The following SRL variants were observed in gnomAD, a reference collection of about 807,000 sequenced individuals.
The protein encoded by SRL is sarcalumenin.
Under a neutral mutation model 39.5 loss-of-function variants are expected in SRL, and 23 were observed. That is an observed-to-expected ratio of 0.58 (90% CI 0.42 to 0.82). The LOEUF (loss-of-function observed/expected upper bound fraction) is 0.82. Among genes scored for constraint, SRL ranks in the 40% least tolerant of loss-of-function variants. The pLI, the probability that SRL is intolerant of heterozygous loss-of-function variation, is 0.00. For missense variants in SRL, 592 were observed against 607.8 expected, an observed-to-expected ratio of 0.97 and a Z score of 0.27; for synonymous variants, 272 against 237.4, an observed-to-expected ratio of 1.15 and a Z score of -1.34.
chr16:4,222,565 C>A (rs1214276702), intron 1 of SRL, among the ~76,000 whole-genome samples: 1 of 152,180 alleles, frequency 6.6e-6, no homozygotes, highest in South Asian at 2.1e-4. Flanking sequence ...TGAGCCACTG[C>A]ACCCGGCTTT....
At chr16:4,196,598 A>G (rs1048028242) in intron 4 of SRL, among the ~76,000 whole-genome samples, 4 of 149,614 alleles carry the variant, frequency 2.7e-5, no homozygotes, top group African/African-American at 9.9e-5. Context: ...CTCCTGCCTC[A>G]GCCTCCCAAG....
At chr16:4,218,081 C>T (rs1169983072) in intron 1 of SRL, among the ~76,000 whole-genome samples, 1 of 152,148 alleles carries the variant, frequency 6.6e-6, no homozygotes, top group African/African-American at 2.4e-5. Context: ...GGAGCTCGTT[C>T]TGCTGATCCC....
At chr16:4,212,898 A>G (rs1164042127) in intron 1 of SRL, among the ~76,000 whole-genome samples, 7 of 151,512 alleles carry the variant, frequency 4.6e-5, no homozygotes, top group Non-Finnish European at 8.8e-5. Context: ...CACCAACCAA[A>G]TGCCCTGATT....
At chr16:4,232,116 G>A (rs1342925623) in intron 1 of SRL, among the ~76,000 whole-genome samples, 2 of 152,308 alleles carry the variant, frequency 1.3e-5, no homozygotes, top group African/African-American at 4.8e-5. Context: ...CGCCAAGCAA[G>A]GAGGGACTTG....
chr16:4,234,573 C>T (rs1343291796), intron 1 of SRL, among the ~76,000 whole-genome samples: 1 of 152,196 alleles, frequency 6.6e-6, no homozygotes, highest in Non-Finnish European at 1.5e-5. Context: ...AGAAGGATGA[C>T]AGCACAGGCT....
intron 4 of SRL, among the ~76,000 whole-genome samples, 163 bp from the exon 5 acceptor site, chr16:4,195,949 T>A (rs2052134795): frequency 1.3e-5 from 2 of 152,172 alleles, no homozygotes; most frequent in South Asian, 4.1e-4. Context: ...AAAACATACA[T>A]AACATAAAAT....
rs2052778207 is a variant in SRL at position 4,242,005 on chromosome 16, A to G, written c.61+2T>C. The G allele has an allele frequency of 6.2e-7, 1 of 1,613,688 alleles. No homozygotes were observed. The highest frequency in any genetic ancestry group is 8.5e-7 in the Non-Finnish European group (1 of 1,179,924). On this transcript the variant is annotated splice_donor_variant, in intron 1 of 5. Transcript: ENST00000399609. LOFTEE classifies it high-confidence loss of function. ...GCTGGGTCATGCTGGGAGGGGCCCTACCTGCTTGTCCTGAGAACAGGAGCG... is the reference window on the plus strand; with the variant it reads ...GCTGGGTCATGCTGGGAGGGGCCCTGCCTGCTTGTCCTGAGAACAGGAGCG...
chr16:4,199,364 C>CTT (rs71139622), intron 3 of SRL, among the ~76,000 whole-genome samples: 2,212 of 84,536 alleles, frequency 0.026, 89 homozygotes, highest in East Asian at 0.06. Context: ...TATTCCCCAT[C>CTT]TTTTTTTTTT....
intron 3 of SRL, among the ~76,000 whole-genome samples, chr16:4,199,714 T>TTTTTTA (rs2052198912): frequency 6.8e-6 from 1 of 147,606 alleles, no homozygotes; most frequent in African/African-American, 2.5e-5. Context: ...TTTTTTTTTT[T>TTTTTTA]GAGACAGAGT....
intron 4 of SRL, among the ~76,000 whole-genome samples, chr16:4,197,347 G>C (rs2052162896): frequency 6.6e-6 from 1 of 151,348 alleles, no homozygotes; most frequent in African/African-American, 2.4e-5. Context: ...TGGGATTACA[G>C]GCATAAAGCC....
intron 1 of SRL, among the ~76,000 whole-genome samples, chr16:4,237,332 G>A (rs889518248): frequency 1.1e-4 from 17 of 152,086 alleles, no homozygotes; most frequent in East Asian, 9.7e-4. Context: ...AATGGAACCT[G>A]TAAGGGCCCC....
chr16:4,220,442 C>T (rs2052512735), intron 1 of SRL, among the ~76,000 whole-genome samples: 1 of 150,550 alleles, frequency 6.6e-6, no homozygotes, highest in Admixed American at 6.6e-5. Flanking sequence ...GAGACACTGT[C>T]CTAGAAAAAA....
chr16:4,236,080 T>C (rs1174606002), intron 1 of SRL, among the ~76,000 whole-genome samples: 1 of 152,012 alleles, frequency 6.6e-6, no homozygotes, highest in Non-Finnish European at 1.5e-5. Flanking sequence ...TCTAAAAAAA[T>C]AAATAAAAAG....
chr16:4,234,115 C>T lies in SRL; in HGVS notation c.61+7892G>A, dbSNP rs182970188. Among the ~76,000 whole-genome samples the T allele has an allele frequency of 3.6e-3, 548 of 152,204 alleles. 6 individuals are homozygous for T. Among genetic ancestry groups the T allele is most frequent in the Non-Finnish European group, 6.1e-3 (417 of 68,000 alleles). On this transcript the variant is annotated intron_variant, in intron 1 of 5. Coordinates refer to ENST00000399609, the MANE Select transcript of SRL (RefSeq NM_001098814.2). ...GCTCAAGCCATCCTTCCACCTCAGC[C>T]CCCTGAGTAGCTGAGACCACAGTGT...
Position 4,195,787 on chromosome 16 carries a change from C to T in SRL, c.377-1G>A. On this transcript the variant is annotated splice_acceptor_variant, in intron 4 of 5. Transcript: ENST00000399609. LOFTEE classifies it high-confidence loss of function. ...AACTCAGAGGTGGTGGGTTCAGCGC[C>T]TGGGCACACGGGGTGAGAGGTGAAG... is the stretch of plus-strand genomic sequence containing the variant. The T allele has an allele frequency of 6.2e-7, 1 of 1,612,678 alleles. No homozygotes were observed. Among genetic ancestry groups the T allele is most frequent in the Non-Finnish European group, 8.5e-7 (1 of 1,179,072 alleles).
intron 4 of SRL, among the ~76,000 whole-genome samples, chr16:4,197,060 CTTTTTTT>C (rs1172658613): frequency 2.2e-4 from 19 of 85,918 alleles, no homozygotes; most frequent in Admixed American, 4.9e-4. Flanking sequence ...TCCAAATTTT[CTTTTTTT>C]TTTTTTTTTT....
chr16:4,240,009 G>A (rs2052755756), intron 1 of SRL, among the ~76,000 whole-genome samples: 1 of 152,198 alleles, frequency 6.6e-6, no homozygotes, highest in Non-Finnish European at 1.5e-5. Flanking sequence ...TGGTAACAGA[G>A]GGGCGCTTGT....
intron 1 of SRL, among the ~76,000 whole-genome samples, chr16:4,212,429 G>C (rs928381087): frequency 1.3e-5 from 2 of 152,102 alleles, no homozygotes; most frequent in Non-Finnish European, 2.9e-5. Flanking sequence ...CACTTCCATC[G>C]CATGACATCT....
intron 3 of SRL, among the ~76,000 whole-genome samples, chr16:4,199,207 T>C (rs2052188114): frequency 6.6e-6 from 1 of 152,244 alleles, no homozygotes; most frequent in Admixed American, 6.5e-5. Context: ...AGATCAGGAA[T>C]ATAAAAAGGT....
Sources: allele counts gnomAD v4.1 joint callset (sites outside exome capture counted in the v4.1 genomes callset), GRCh38; gene constraint gnomAD v4.1.1; transcripts MANE v1.5; gene names NCBI Gene and HGNC (gene_info 2026-07-23, HGNC 2026-07-21).